Variants in PIBF1 observed in about 807,000 individuals in gnomAD.
The protein encoded by PIBF1 is progesterone immunomodulatory binding factor 1, also known as progesterone-induced-blocking factor 1.
In PIBF1, 90 loss-of-function variants were observed where a neutral mutation model predicts 112.5. The observed-to-expected ratio is 0.80, with a 90% CI of 0.67 to 0.95. The LOEUF is 0.95. Ranked by LOEUF, PIBF1 falls within the 40% of genes least tolerant of loss-of-function variation. The pLI, the probability that PIBF1 is intolerant of heterozygous loss-of-function variation, is 0.00. For missense variants in PIBF1, 915 were observed against 852.3 expected (o/e 1.07, Z -0.92); for synonymous variants, 301 against 288.6 (o/e 1.04, Z -0.44).
In PIBF1 at chr13:72,986,601, A is replaced by AT. The variant is rs565527828; in HGVS notation, c.2050-12219dup. Among the ~76,000 whole-genome samples the AT allele has an allele frequency of 2.3e-3, 342 of 151,712 alleles. 1 individual carries two copies. The highest frequency in any genetic ancestry group is 2.7e-3 in the Non-Finnish European group (182 of 67,974). ...GCCCAATTGTCTCTCATTTGCTATCATTCGTATAAAAGCATGAGCTCTCAC... is the reference window on the plus strand; with the variant it reads ...GCCCAATTGTCTCTCATTTGCTATCATTTCGTATAAAAGCATGAGCTCTCAC... On this transcript the variant is annotated intron_variant, in intron 16 of 17. Transcript: ENST00000326291.
chr13:72,946,169 G>A (rs1481642017), intron 14 of PIBF1, among the ~76,000 whole-genome samples: 1 of 152,088 alleles, frequency 6.6e-6, no homozygotes, highest in Non-Finnish European at 1.5e-5. Flanking sequence ...GGAGGCCTCA[G>A]GAAACTTACA....
chr13:72,980,707 A>G (rs2043135383), intron 16 of PIBF1, among the ~76,000 whole-genome samples: 1 of 151,882 alleles, frequency 6.6e-6, no homozygotes, highest in East Asian at 1.9e-4. Context: ...AGGTGGGAGG[A>G]TCTGGGAGAA....
chr13:72,912,175 CA>C (rs2040919145), intron 12 of PIBF1, among the ~76,000 whole-genome samples: 1 of 152,154 alleles, frequency 6.6e-6, no homozygotes, highest in Non-Finnish European at 1.5e-5. Context: ...GCATTGACTT[CA>C]GGTCAGTGAG....
intron 9 of PIBF1, among the ~76,000 whole-genome samples, chr13:72,836,909 T>C (rs1210821481): frequency 1.3e-5 from 2 of 152,174 alleles, no homozygotes; most frequent in African/African-American, 4.8e-5. Context: ...GAAATTAATA[T>C]GAACTTCAAA....
At chr13:72,810,433 C>T (rs764227682) in intron 5 of PIBF1, among the ~76,000 whole-genome samples, 1 of 152,150 alleles carries the variant, frequency 6.6e-6, no homozygotes, top group Non-Finnish European at 1.5e-5. Context: ...AGAATTTTGT[C>T]AAGAGTACTT....
intron 11 of PIBF1, among the ~76,000 whole-genome samples, chr13:72,898,511 C>A (rs1342080993): frequency 1.3e-5 from 2 of 151,490 alleles, no homozygotes; most frequent in African/African-American, 4.8e-5. Flanking sequence ...GTAAATGAAA[C>A]AAAAAGCTGG....
At chr13:72,938,332 T>C (rs2041926234) in intron 14 of PIBF1, among the ~76,000 whole-genome samples, 1 of 152,110 alleles carries the variant, frequency 6.6e-6, no homozygotes, top group Non-Finnish European at 1.5e-5. Context: ...AAGGAAACCC[T>C]GTACCCATTA....
chr13:72,795,584 T>C, intron 4 of PIBF1, 27 bp downstream of exon 4: 1 of 1,334,594 alleles, frequency 7.5e-7, no homozygotes, highest in Non-Finnish European at 1.1e-6. Flanking sequence ...TATTTTTAAC[T>C]ATGACATATA....
intron 10 of PIBF1, among the ~76,000 whole-genome samples, chr13:72,869,616 T>G (rs1189701519): frequency 7.5e-6 from 1 of 134,096 alleles, no homozygotes; most frequent in Non-Finnish European, 1.6e-5. Flanking sequence ...TAAAGTATAA[T>G]AATAATAATA....
chr13:72,973,968 G>A (rs1282220586), intron 16 of PIBF1: 1 of 385,596 alleles, frequency 2.6e-6, no homozygotes, highest in African/African-American at 2.1e-5. Context: ...TTTCCTTAGT[G>A]TGCCTCTCGT....
intron 16 of PIBF1, 141 bp from the exon 17 acceptor site, chr13:72,998,681 T>C: frequency 1.7e-6 from 1 of 591,538 alleles, no homozygotes; most frequent in Non-Finnish European, 3.0e-6. Flanking sequence ...ATGTGCATGA[T>C]TCTAATTACT....
chr13:72,928,006 C>CT (rs1555316951), intron 13 of PIBF1, among the ~76,000 whole-genome samples: 1 of 101,804 alleles, frequency 9.8e-6, no homozygotes, highest in Non-Finnish European at 1.8e-5. Flanking sequence ...CATATATATA[C>CT]ATATATATAC....
chr13:72,844,787 A>ACACG (rs2037786719), intron 9 of PIBF1, among the ~76,000 whole-genome samples: 2 of 125,610 alleles, frequency 1.6e-5, no homozygotes, highest in African/African-American at 3.0e-5. Flanking sequence ...ACACACACAC[A>ACACG]CACACACACA....
intron 16 of PIBF1, among the ~76,000 whole-genome samples, chr13:72,997,282 C>A (rs1347797616): frequency 2.0e-5 from 3 of 152,146 alleles, no homozygotes; most frequent in Non-Finnish European, 4.4e-5. Context: ...CTGAAATCTA[C>A]CATAACACCA....
chr13:73,014,720 T>G (rs1283304323), intron 17 of PIBF1, among the ~76,000 whole-genome samples: 2 of 152,096 alleles, frequency 1.3e-5, no homozygotes, highest in Non-Finnish European at 2.9e-5. Flanking sequence ...TAAGACAGTC[T>G]TGCTCTGTTG....
At chr13:72,857,381 C>T (rs111705464) in intron 10 of PIBF1, among the ~76,000 whole-genome samples, 9 of 152,298 alleles carry the variant, frequency 5.9e-5, no homozygotes, top group African/African-American at 2.2e-4. Flanking sequence ...AAACTTGATT[C>T]CCTACAAATG....
intron 6 of PIBF1, among the ~76,000 whole-genome samples, chr13:72,825,071 A>G (rs559709533): frequency 1.3e-5 from 2 of 152,318 alleles, no homozygotes; most frequent in East Asian, 3.9e-4. Flanking sequence ...GAAATCTTCA[A>G]GGTTAAAGGA....
chr13:72,891,254 C>T (rs1297075784), intron 10 of PIBF1, among the ~76,000 whole-genome samples: 1 of 152,054 alleles, frequency 6.6e-6, no homozygotes, highest in Non-Finnish European at 1.5e-5. Flanking sequence ...ATCCCGAATC[C>T]ATAAAAAGGC....
intron 4 of PIBF1, among the ~76,000 whole-genome samples, chr13:72,796,262 A>G (rs1284641723): frequency 6.6e-6 from 1 of 152,134 alleles, no homozygotes; most frequent in African/African-American, 2.4e-5. Context: ...AAAAAATCTT[A>G]ATAATTACTA....
Sources: gnomAD v4.1 joint callset for allele counts (sites outside exome capture counted in the v4.1 genomes callset) on GRCh38, gnomAD v4.1.1 for gene constraint, MANE v1.5 for transcripts, NCBI Gene and HGNC (gene_info 2026-07-23, HGNC 2026-07-21) for gene names.